Variants in ADCY8 observed in about 807,000 individuals in gnomAD.
The protein encoded by ADCY8 is adenylate cyclase 8.
In ADCY8, 51 loss-of-function variants were observed where a neutral mutation model predicts 119.7. The ratio of observed to expected loss-of-function variants is 0.43; its 90% confidence interval spans 0.34 to 0.54. The LOEUF is 0.54. Ranked by LOEUF, ADCY8 falls within the 20% of genes least tolerant of loss-of-function variation. ADCY8 has a pLI of 0.03. For synonymous variants in ADCY8, 665 were observed against 651.0 expected (o/e 1.02, Z -0.33); for missense variants, 1,383 against 1,598.8 (o/e 0.87, Z 2.30).
At chr8:130,853,275 C>T (rs888021985) in intron 9 of ADCY8, among the ~76,000 whole-genome samples, 4 of 152,272 alleles carry the variant, frequency 2.6e-5, no homozygotes, top group Non-Finnish European at 5.9e-5. Context: ...GCCAGGGCAT[C>T]TCTGCCTTTA....
intron 12 of ADCY8, among the ~76,000 whole-genome samples, chr8:130,828,281 A>G (rs1235773989): frequency 6.6e-6 from 1 of 152,214 alleles, no homozygotes; most frequent in African/African-American, 2.4e-5. Context: ...CATAGTAACT[A>G]GGCATATAGC....
chr8:130,986,364 T>C (rs1381926814), intron 2 of ADCY8, among the ~76,000 whole-genome samples: 1 of 152,196 alleles, frequency 6.6e-6, no homozygotes, highest in East Asian at 1.9e-4. Flanking sequence ...GTTAAATAAA[T>C]ATTACTCAGA....
chr8:131,024,561 A>C (rs1823768029), intron 1 of ADCY8, among the ~76,000 whole-genome samples: 1 of 152,206 alleles, frequency 6.6e-6, no homozygotes, highest in African/African-American at 2.4e-5. Context: ...TAATACTTTC[A>C]CAAAATGGCT....
At chr8:130,904,898 G>A (rs932453904) in intron 6 of ADCY8, among the ~76,000 whole-genome samples, 3 of 152,104 alleles carry the variant, frequency 2.0e-5, no homozygotes. Context: ...TACTTATTGC[G>A]TTATAGTGTG....
intron 3 of ADCY8, 25 bp downstream of exon 3, chr8:130,951,843 G>T: frequency 6.2e-7 from 1 of 1,612,814 alleles, no homozygotes; most frequent in Non-Finnish European, 8.5e-7. Flanking sequence ...TGCAAGAGCC[G>T]GGGCAAGGGT....
chr8:130,916,495 C>T lies in ADCY8; in HGVS notation c.1482-6629G>A, dbSNP rs76146828. Among the ~76,000 whole-genome samples the T allele has an allele frequency of 4.0e-4, 61 of 152,304 alleles. No homozygotes were observed. The East Asian group carries it at 0.01, about 26-fold the overall frequency. The stretch of plus-strand genomic sequence containing the variant: ...GCTTCTTAAAATGTTTGAAAGCCAC[C>T]GTGTGTTGGGAGCAAGCCCCTCAAT... On this transcript the variant is annotated intron_variant, in intron 5 of 17. Coordinates refer to ENST00000286355, the MANE Select transcript of ADCY8 (RefSeq NM_001115.3).
intron 1 of ADCY8, among the ~76,000 whole-genome samples, chr8:130,995,622 G>A (rs2130751746): frequency 6.6e-6 from 1 of 151,550 alleles, no homozygotes; most frequent in African/African-American, 2.4e-5. Flanking sequence ...ATCATTTCTG[G>A]GACATTCAAA....
chr8:130,875,606 C>T (rs1777227416), intron 8 of ADCY8, among the ~76,000 whole-genome samples: 1 of 152,178 alleles, frequency 6.6e-6, no homozygotes, highest in Non-Finnish European at 1.5e-5. Flanking sequence ...CATTCATTTG[C>T]TTAGCCTTCT....
chr8:130,887,501 C>T (rs1284559031), intron 7 of ADCY8, among the ~76,000 whole-genome samples: 1 of 152,114 alleles, frequency 6.6e-6, no homozygotes, highest in Non-Finnish European at 1.5e-5. Context: ...GCATTTTATG[C>T]AGGTAGTCAA....
intron 15 of ADCY8, among the ~76,000 whole-genome samples, chr8:130,788,077 A>G (rs577980420): frequency 6.6e-6 from 1 of 152,360 alleles, no homozygotes; most frequent in South Asian, 2.1e-4. Context: ...TTGACAAGCT[A>G]TAAACTCACA....
rs145841342 is a variant in ADCY8 at position 130,907,311 on chromosome 8, G to A, written c.1640+2397C>T. On this transcript the variant is annotated intron_variant, in intron 6 of 17. Transcript: ENST00000286355. Reference sequence around the variant, plus strand: ...ATTCCAAGGCTGAGGTTTGAGAACCGTTCTTCTAGAAACCCAAGGCTCAGT... The same window carrying A: ...ATTCCAAGGCTGAGGTTTGAGAACCATTCTTCTAGAAACCCAAGGCTCAGT... Among the ~76,000 whole-genome samples, 19 of 152,070 alleles carry A rather than the reference G, an allele frequency of 1.2e-4. No homozygotes were observed. In the East Asian group the frequency reaches 2.9e-3, roughly 23 times the overall value.
At chr8:130,841,082 G>C (rs142054288) in intron 11 of ADCY8, among the ~76,000 whole-genome samples, 90 of 152,298 alleles carry the variant, frequency 5.9e-4, no homozygotes, top group East Asian at 2.5e-3. Flanking sequence ...TCTTACATTA[G>C]ATGAACTCCA....
chr8:130,840,873 A>G (rs763714800), intron 11 of ADCY8, among the ~76,000 whole-genome samples: 5 of 152,208 alleles, frequency 3.3e-5, no homozygotes, highest in Non-Finnish European at 7.3e-5. Context: ...AATCTCTGAT[A>G]CAGGAAGCAG....
rs2130427592 is a variant in ADCY8 at position 130,875,625 on chromosome 8, C to T, written c.2110-7679G>A. ...CATTTGCTTAGCCTTCTTTTCTTTG[C>T]CCAGATTTCTCCTTTATTATTTTAT... is the stretch of plus-strand genomic sequence containing the variant. On this transcript the variant is annotated intron_variant, in intron 8 of 17. Transcript: ENST00000286355. Among the ~76,000 whole-genome samples, 3 of 152,282 alleles carry T rather than the reference C, an allele frequency of 2.0e-5. 1 individual carries two copies.
intron 1 of ADCY8, among the ~76,000 whole-genome samples, chr8:131,010,940 T>G (rs2130779504): frequency 6.6e-6 from 1 of 152,334 alleles, no homozygotes; most frequent in African/African-American, 2.4e-5. Context: ...CAGCTGTTGG[T>G]TTTAAAACCT....
In ADCY8 at chr8:130,956,604, C is replaced by A. The variant is rs549318867; in HGVS notation, c.1111-4606G>T. ...TGGTAAACTCGGAGCTCTTTGCGTT[C>A]ATCTTTTTGTATCCAAGGCCCAGAA... On this transcript the variant is annotated intron_variant, in intron 2 of 17. Coordinates refer to ENST00000286355, the MANE Select transcript of ADCY8 (RefSeq NM_001115.3). Among the ~76,000 whole-genome samples the A allele has an allele frequency of 5.3e-5, 8 of 152,284 alleles. No homozygotes were observed. In the East Asian group the frequency reaches 1.5e-3, roughly 29 times the overall value.
At chr8:130,866,516 C>A (rs1404130717) in intron 9 of ADCY8, among the ~76,000 whole-genome samples, 2 of 152,160 alleles carry the variant, frequency 1.3e-5, no homozygotes, top group Non-Finnish European at 2.9e-5. Flanking sequence ...TTGGCTCTTA[C>A]ATTTAATCAC....
At chr8:130,802,795 G>T (rs1563670439) in intron 14 of ADCY8, among the ~76,000 whole-genome samples, 1 of 152,188 alleles carries the variant, frequency 6.6e-6, no homozygotes, top group Non-Finnish European at 1.5e-5. Flanking sequence ...AGGGCACTCT[G>T]CCCAAGTGAC....
At chr8:130,931,774 G>T (rs1271657105) in intron 5 of ADCY8, among the ~76,000 whole-genome samples, 1 of 151,946 alleles carries the variant, frequency 6.6e-6, no homozygotes, top group Non-Finnish European at 1.5e-5. Flanking sequence ...TTTGGCTCCA[G>T]ATTTCTTTTT....
Sources: gnomAD v4.1 joint callset for allele counts (sites outside exome capture counted in the v4.1 genomes callset) on GRCh38, gnomAD v4.1.1 for gene constraint, MANE v1.5 for transcripts, NCBI Gene and HGNC (gene_info 2026-07-23, HGNC 2026-07-21) for gene names.